Variants in PIAS1 observed in about 807,000 individuals in gnomAD.
PIAS1 encodes E3 SUMO-protein ligase PIAS1.
PIAS1 carries 6 observed loss-of-function variants against 71.3 expected under a neutral mutation model. That is an observed-to-expected ratio of 0.08 (90% CI 0.05 to 0.17). The LOEUF (loss-of-function observed/expected upper bound fraction) is 0.17, where lower values mean the gene tolerates loss of function less well. Among genes scored for constraint, PIAS1 ranks in the 10% least tolerant of loss-of-function variants. PIAS1 has a pLI of 1.00. For synonymous variants in PIAS1, 303 were observed against 292.9 expected (o/e 1.03, Z -0.35); for missense variants, 555 against 793.6 (o/e 0.70, Z 3.61).
intron 1 of PIAS1, among the ~76,000 whole-genome samples, chr15:68,058,553 G>C (rs1340454180): frequency 6.6e-6 from 1 of 152,136 alleles, no homozygotes; most frequent in African/African-American, 2.4e-5. Flanking sequence ...AGGGTGCCCA[G>C]TTCACAGATT....
rs1433345640 is a variant in PIAS1, at chr15:68,134,613, G to T, written c.470-7333G>T. ...CCCCAGACGGGGCGGCTGGCCGGGC[G>T]GGGGGCTAACCCCCCCCACCTCCCT... On this transcript the variant is annotated intron_variant, in intron 2 of 13. Coordinates refer to ENST00000249636, the MANE Select transcript of PIAS1 (RefSeq NM_016166.3). 2.6e-4 allele frequency among the ~76,000 whole-genome samples: 2 copies of T among 7,628 alleles called. 1 individual carries two copies. Among genetic ancestry groups the T allele is most frequent in the South Asian group, 0.012 (2 of 170 alleles). The allele number at this position is 7,628 out of a possible 152,430, so 5.0% of individuals were successfully genotyped here.
chr15:68,178,230 A>G lies in PIAS1; in HGVS notation c.1481+1576A>G, dbSNP rs1299792049. ...GGTTGCAGTGAGCTAAGATCGTGCC[A>G]CTGCACTCCAACCTGGGTGACAGAA... is the stretch of plus-strand genomic sequence containing the variant. On this transcript the variant is annotated intron_variant, in intron 11 of 13. Transcript: ENST00000249636. The surrounding 1 kb of genome is among the most constrained non-coding windows in gnomAD (Gnocchi z 4.2). Among the ~76,000 whole-genome samples the G allele has an allele frequency of 6.6e-6, 1 of 152,190 alleles. No individual in the cohort carries two copies. Among genetic ancestry groups the G allele is most frequent in the Non-Finnish European group, 1.5e-5 (1 of 68,034 alleles).
At chr15:68,150,012 A>AT (rs1043470408) in intron 6 of PIAS1, among the ~76,000 whole-genome samples, 5 of 150,998 alleles carry the variant, frequency 3.3e-5, no homozygotes, top group Non-Finnish European at 4.4e-5. Flanking sequence ...CTCTTACTGG[A>AT]TTTTTTTTTA....
intron 1 of PIAS1, among the ~76,000 whole-genome samples, chr15:68,078,995 T>C (rs896018457): frequency 6.6e-6 from 1 of 151,990 alleles, no homozygotes; most frequent in African/African-American, 2.4e-5. Flanking sequence ...AGTTACAATG[T>C]TGAATTTTGA....
chr15:68,187,818 A>G lies in PIAS1; in HGVS notation c.1939A>G (p.Ile647Val), dbSNP rs765727838. ...ATCCATCTTTGGCATCATACCAGAC[A>G]TTATTTCATTGGACTGATTCCCAGG... ...TASIFGIIPD[I>V]ISLD The change falls in exon 14 of 14, where the codon ATT becomes GTT. Residue 647 changes from isoleucine (I) to valine (V), a missense_variant. Ile to Val is a conservative substitution (Grantham distance 29). Transcript: ENST00000249636. This position sits in a 1 kb window ranked among gnomAD's most constrained non-coding sequence, Gnocchi z 5.3. 1.9e-6 allele frequency: 3 copies of G among 1,613,330 alleles called. No individual in the cohort carries two copies. The highest frequency in any genetic ancestry group is 1.7e-6 in the Non-Finnish European group (2 of 1,179,674).
chr15:68,126,208 CTTCT>C (rs1343933082), intron 2 of PIAS1, among the ~76,000 whole-genome samples: 1 of 151,846 alleles, frequency 6.6e-6, no homozygotes, highest in African/African-American at 2.4e-5. Flanking sequence ...TATTTCCTTC[CTTCT>C]GTTTTCTCTG....
At position 68,193,063 on chromosome 15, in the gene PIAS1, T is replaced by A. The variant is rs1400713851; in HGVS notation, c.*5228T>A. ...CTACTACTGTTTTCCAGGGCTGTTGTACCCTGGCCATTGCTGGTTACATCC... is the reference window on the plus strand; with the variant it reads ...CTACTACTGTTTTCCAGGGCTGTTGAACCCTGGCCATTGCTGGTTACATCC... On this transcript the variant is annotated 3_prime_UTR_variant, in exon 14 of 14. Transcript: ENST00000249636. 1.3e-5 allele frequency: 2 copies of A among 152,302 alleles called. No individual in the cohort carries two copies. Among genetic ancestry groups the A allele is most frequent in the Admixed American group, 1.3e-4 (2 of 15,286 alleles). The allele number at this position is 152,302 out of a possible 1,614,324, so 9.4% of individuals were successfully genotyped here.
chr15:68,064,018 T>A (rs762702929), intron 1 of PIAS1, among the ~76,000 whole-genome samples: 1 of 152,074 alleles, frequency 6.6e-6, no homozygotes, highest in Non-Finnish European at 1.5e-5. Context: ...TTTTGTATGA[T>A]GAAATGAAAA....
At chr15:68,064,068 G>A (rs1225212320) in intron 1 of PIAS1, among the ~76,000 whole-genome samples, 1 of 152,074 alleles carries the variant, frequency 6.6e-6, no homozygotes, top group Non-Finnish European at 1.5e-5. Context: ...AAATCTGATG[G>A]TTAACTCAAG....
chr15:68,133,382 T>G (rs1475276492), intron 2 of PIAS1, among the ~76,000 whole-genome samples: 2 of 152,086 alleles, frequency 1.3e-5, no homozygotes, highest in South Asian at 2.1e-4. Context: ...TTCAAAATAC[T>G]ATTGAGCTTT....
chr15:68,125,605 A>C (rs915339252), intron 2 of PIAS1, among the ~76,000 whole-genome samples: 5 of 152,168 alleles, frequency 3.3e-5, no homozygotes, highest in African/African-American at 4.8e-5. Flanking sequence ...TCAACATAAG[A>C]ATAATTTTCC....
chr15:68,175,223 T>A (rs920029024), intron 9 of PIAS1, among the ~76,000 whole-genome samples: 3 of 152,206 alleles, frequency 2.0e-5, no homozygotes, highest in Non-Finnish European at 4.4e-5. Context: ...TCAAAGAGAT[T>A]TAACCTTTGA....
At chr15:68,097,970 A>T (rs988582281) in intron 2 of PIAS1, among the ~76,000 whole-genome samples, 1 of 152,176 alleles carries the variant, frequency 6.6e-6, no homozygotes, top group Admixed American at 6.5e-5. Flanking sequence ...ATTTTTGTTT[A>T]CATGAGTATA....
chr15:68,125,843 G>T (rs1287357849), intron 2 of PIAS1, among the ~76,000 whole-genome samples: 1 of 152,054 alleles, frequency 6.6e-6, no homozygotes, highest in Non-Finnish European at 1.5e-5. Context: ...CAAGTCTAAG[G>T]CCTGTGTTAT....
intron 2 of PIAS1, among the ~76,000 whole-genome samples, chr15:68,131,677 ATC>A (rs1259489934): frequency 1.3e-5 from 2 of 152,108 alleles, no homozygotes; most frequent in Admixed American, 6.6e-5. Flanking sequence ...AAATGACAGA[ATC>A]TCTCTCTGTT....
chr15:68,060,494 TCTC>T (rs1447001423), intron 1 of PIAS1, among the ~76,000 whole-genome samples: 1 of 151,976 alleles, frequency 6.6e-6, no homozygotes, highest in African/African-American at 2.4e-5. Flanking sequence ...GCACCTGTAA[TCTC>T]AGCTACTCAG....
chr15:68,091,998 TG>T (rs1444641227), intron 2 of PIAS1, among the ~76,000 whole-genome samples: 1 of 152,180 alleles, frequency 6.6e-6, no homozygotes, highest in Non-Finnish European at 1.5e-5. Context: ...TGACTCATCT[TG>T]TTTGCTTTAT....
chr15:68,080,732 A>G (rs887742755), intron 1 of PIAS1, among the ~76,000 whole-genome samples: 1 of 152,196 alleles, frequency 6.6e-6, no homozygotes, highest in African/African-American at 2.4e-5. Context: ...GTGATTATGC[A>G]TTTGCTTTTG....
At chr15:68,130,228 GA>G (rs1319476110) in intron 2 of PIAS1, among the ~76,000 whole-genome samples, 4 of 151,692 alleles carry the variant, frequency 2.6e-5, no homozygotes, top group Non-Finnish European at 5.9e-5. Context: ...AACCTTAAAA[GA>G]AAAAGGCTTA....
Sources: gnomAD v4.1 joint callset for allele counts (sites outside exome capture counted in the v4.1 genomes callset) on GRCh38, gnomAD v4.1.1 for gene constraint, Gnocchi (gnomAD v3.1) non-coding constraint, MANE v1.5 for transcripts, NCBI Gene and HGNC (gene_info 2026-07-23, HGNC 2026-07-21) for gene names.